Variants in SDCCAG8 observed in about 807,000 individuals in gnomAD.
SDCCAG8 encodes the protein SHH signaling and ciliogenesis regulator SDCCAG8.
A neutral mutation model predicts 101.8 loss-of-function variants in SDCCAG8; 74 were observed. The ratio of observed to expected loss-of-function variants is 0.73; its 90% CI spans 0.60 to 0.88. SDCCAG8 has a LOEUF of 0.88. Ranked by LOEUF, SDCCAG8 falls within the 40% of genes least tolerant of loss-of-function variation. The pLI is 0.00. For synonymous variants in SDCCAG8, 281 were observed against 292.9 expected, an observed-to-expected ratio of 0.96 and a Z score of 0.41; for missense variants, 787 against 822.6, an observed-to-expected ratio of 0.96 and a Z score of 0.53.
At chr1:243,479,025 C>T (rs2148218411) in intron 16 of SDCCAG8, among the ~76,000 whole-genome samples, 1 of 151,222 alleles carries the variant, frequency 6.6e-6, no homozygotes, top group South Asian at 2.1e-4. Flanking sequence ...AGAGCGTGTT[C>T]CGGAAGCCTC....
intron 6 of SDCCAG8, among the ~76,000 whole-genome samples, chr1:243,301,507 G>A (rs2071501584): frequency 6.6e-6 from 1 of 152,130 alleles, no homozygotes; most frequent in East Asian, 1.9e-4. Flanking sequence ...TGCTTGATAT[G>A]TTCCATAGAT....
intron 16 of SDCCAG8, among the ~76,000 whole-genome samples, chr1:243,428,150 C>A (rs567086083): frequency 5.9e-5 from 9 of 152,286 alleles, no homozygotes; most frequent in African/African-American, 2.2e-4. Flanking sequence ...ACCTTATGTA[C>A]CTTGAAGCAA....
intron 15 of SDCCAG8, among the ~76,000 whole-genome samples, chr1:243,418,637 G>T (rs573881357): frequency 6.6e-6 from 1 of 152,168 alleles, no homozygotes; most frequent in Admixed American, 6.5e-5. Context: ...GAATCTTAAT[G>T]ACTTTTTTCT....
At chr1:243,400,386 C>T (rs1044676274) in intron 13 of SDCCAG8, among the ~76,000 whole-genome samples, 3 of 152,160 alleles carry the variant, frequency 2.0e-5, no homozygotes, top group African/African-American at 7.2e-5. Flanking sequence ...GGGGATTATT[C>T]GTTATTGTAT....
intron 13 of SDCCAG8, among the ~76,000 whole-genome samples, chr1:243,395,561 A>G (rs917985415): frequency 2.6e-5 from 4 of 152,232 alleles, no homozygotes; most frequent in Non-Finnish European, 1.5e-5. Flanking sequence ...AAATTACATT[A>G]TATATTACAT....
intron 8 of SDCCAG8, among the ~76,000 whole-genome samples, chr1:243,309,501 G>A (rs555482083): frequency 6.6e-6 from 1 of 152,236 alleles, no homozygotes; most frequent in Non-Finnish European, 1.5e-5. Flanking sequence ...ACTCAGGTTG[G>A]GGGTGAGTTG....
At chr1:243,302,100 T>A (rs138911191) in intron 6 of SDCCAG8, among the ~76,000 whole-genome samples, 2,799 of 151,878 alleles carry the variant, frequency 0.018, 90 homozygotes, top group African/African-American at 0.062. Flanking sequence ...ATACAAAAAT[T>A]AGCTGGGCAT....
At chr1:243,481,223 A>C (rs1412453671) in intron 16 of SDCCAG8, among the ~76,000 whole-genome samples, 3 of 152,152 alleles carry the variant, frequency 2.0e-5, no homozygotes, top group African/African-American at 7.2e-5. Flanking sequence ...TCACACCAGC[A>C]TTTGAAGGTC....
intron 16 of SDCCAG8, among the ~76,000 whole-genome samples, chr1:243,456,295 T>C (rs2083748694): frequency 6.6e-6 from 1 of 152,140 alleles, no homozygotes; most frequent in African/African-American, 2.4e-5. Flanking sequence ...GAAATTCACT[T>C]ATTAATTCTG....
intron 12 of SDCCAG8, among the ~76,000 whole-genome samples, chr1:243,357,909 G>A (rs1227286509): frequency 2.6e-5 from 4 of 152,056 alleles, no homozygotes; most frequent in Admixed American, 2.6e-4. Context: ...AAAGAACTTG[G>A]GTTCCTACCT....
Position 243,286,414 on chromosome 1 carries a change from A to G in SDCCAG8, c.546+17A>G, listed in dbSNP as rs1332787644. On this transcript the variant is annotated intron_variant, in intron 5 of 17. Coordinates refer to ENST00000366541, the MANE Select transcript of SDCCAG8 (RefSeq NM_006642.5). ...GATGCATCCGTGAGCATTATTTTAA[A>G]TCATAAATTTTATTTTAGTGTGAAT... 6.2e-7 allele frequency: 1 copy of G among 1,613,564 alleles called. No homozygotes were observed. The highest frequency in any genetic ancestry group is 1.7e-5 in the Admixed American group (1 of 60,028).
At chr1:243,428,579 A>C (rs1017575625) in intron 16 of SDCCAG8, among the ~76,000 whole-genome samples, 3 of 152,244 alleles carry the variant, frequency 2.0e-5, no homozygotes, top group African/African-American at 7.2e-5. Flanking sequence ...AGAAATAATG[A>C]AAAGAAGTTT....
intron 1 of SDCCAG8, among the ~76,000 whole-genome samples, chr1:243,264,516 A>G (rs2067434634): frequency 6.6e-6 from 1 of 152,188 alleles, no homozygotes; most frequent in African/African-American, 2.4e-5. Flanking sequence ...CAGGAGGCTG[A>G]GGCAGGAGAA....
At chr1:243,364,228 A>G (rs2076873189) in intron 12 of SDCCAG8, among the ~76,000 whole-genome samples, 1 of 152,142 alleles carries the variant, frequency 6.6e-6, no homozygotes, top group African/African-American at 2.4e-5. Flanking sequence ...CAACAAAATA[A>G]GGTTAAATTG....
At chr1:243,326,130 T>G (rs559046049) in intron 9 of SDCCAG8, among the ~76,000 whole-genome samples, 29 of 152,330 alleles carry the variant, frequency 1.9e-4, no homozygotes, top group African/African-American at 6.7e-4. Context: ...AAATTTTCTT[T>G]TTTACTCATA....
At chr1:243,390,208 A>G (rs2078615106) in intron 13 of SDCCAG8, among the ~76,000 whole-genome samples, 1 of 152,166 alleles carries the variant, frequency 6.6e-6, no homozygotes, top group Non-Finnish European at 1.5e-5. Context: ...TTTCAAAGTT[A>G]AGCTCATTTT....
At chr1:243,374,921 G>C (rs976234073) in intron 12 of SDCCAG8, among the ~76,000 whole-genome samples, 2 of 152,034 alleles carry the variant, frequency 1.3e-5, no homozygotes, top group African/African-American at 4.8e-5. Context: ...AGATATGTTT[G>C]AATATTTGGG....
chr1:243,444,492 C>G (rs1240962340), intron 16 of SDCCAG8, among the ~76,000 whole-genome samples: 1 of 151,880 alleles, frequency 6.6e-6, no homozygotes, highest in Non-Finnish European at 1.5e-5. Flanking sequence ...CTACCTCAGC[C>G]CCCTGAGTAG....
chr1:243,473,055 T>C (rs567206492), intron 16 of SDCCAG8, among the ~76,000 whole-genome samples: 1 of 152,196 alleles, frequency 6.6e-6, no homozygotes, highest in South Asian at 2.1e-4. Context: ...TGCTAGGATA[T>C]TCTTACTTTG....
Sources: allele counts gnomAD v4.1 joint callset (sites outside exome capture counted in the v4.1 genomes callset), GRCh38; gene constraint gnomAD v4.1.1; transcripts MANE v1.5; gene names NCBI Gene and HGNC (gene_info 2026-07-23, HGNC 2026-07-21).